The following GBE1 variants were observed in gnomAD, a reference collection of about 807,000 sequenced individuals.
GBE1 encodes 1,4-alpha-glucan branching enzyme 1.
In GBE1, 70 loss-of-function variants were observed where a neutral mutation model predicts 88.8. That is an observed-to-expected ratio of 0.79 (90% confidence interval 0.65 to 0.96). GBE1 has a LOEUF of 0.96. Among genes scored for constraint, GBE1 ranks in the 40% least tolerant of loss-of-function variants. The pLI is 0.00. For missense variants in GBE1, 872 were observed against 871.0 expected, an observed-to-expected ratio of 1.00 and a Z score of -0.01; for synonymous variants, 284 against 300.1, an observed-to-expected ratio of 0.95 and a Z score of 0.56.
At chr3:81,537,855 A>G (rs995505111) in intron 12 of GBE1, among the ~76,000 whole-genome samples, 1 of 151,924 alleles carries the variant, frequency 6.6e-6, no homozygotes, top group Non-Finnish European at 1.5e-5. Flanking sequence ...CTGGGGATCT[A>G]TATAATATTA....
rs186943930 is a variant in GBE1, at chr3:81,710,558, T to C, written c.144-4945A>G. 5.0e-4 allele frequency among the ~76,000 whole-genome samples: 76 copies of C among 152,226 alleles called. No homozygotes were observed. In the East Asian group the frequency reaches 0.014, roughly 28 times the overall value. ...AACTCTGTTACACACCAAATGTGAC[T>C]CTGAATAAATCCCTTAATCTCCTTT... On this transcript the variant is annotated intron_variant, in intron 1 of 15. Coordinates refer to ENST00000429644, the MANE Select transcript of GBE1 (RefSeq NM_000158.4).
intron 14 of GBE1, among the ~76,000 whole-genome samples, chr3:81,504,650 T>C (rs1157942514): frequency 6.6e-6 from 1 of 152,182 alleles, no homozygotes; most frequent in Non-Finnish European, 1.5e-5. Context: ...TTTTCAGCCA[T>C]TATTTTATAA....
At chr3:81,606,434 C>A (rs1013302985) in intron 7 of GBE1, among the ~76,000 whole-genome samples, 2 of 152,232 alleles carry the variant, frequency 1.3e-5, no homozygotes, top group Non-Finnish European at 2.9e-5. Context: ...ATGTTCAGGT[C>A]AAAATCCTGC....
intron 7 of GBE1, 136 bp downstream of exon 7, chr3:81,642,645 T>C (rs1704702014): frequency 1.6e-6 from 1 of 640,706 alleles, no homozygotes; most frequent in Admixed American, 3.0e-5. Flanking sequence ...TAAAATCCCC[T>C]GTACAACAAA....
chr3:81,747,266 T>C (rs1706430286), intron 1 of GBE1, among the ~76,000 whole-genome samples: 6 of 152,156 alleles, frequency 3.9e-5, no homozygotes, highest in Admixed American at 2.6e-4. Flanking sequence ...AATTTAAAAA[T>C]TTTGCTCTGT....
chr3:81,624,451 T>G (rs1392091246), intron 7 of GBE1, among the ~76,000 whole-genome samples: 2 of 152,206 alleles, frequency 1.3e-5, no homozygotes, highest in African/African-American at 2.4e-5. Flanking sequence ...CATGTAATAT[T>G]CATATATTTA....
chr3:81,588,845 T>C (rs892516256), intron 9 of GBE1, among the ~76,000 whole-genome samples: 24 of 152,128 alleles, frequency 1.6e-4, no homozygotes, highest in Admixed American at 1.4e-3. Flanking sequence ...GCAATAATCA[T>C]TGTCTCCGTG....
chr3:81,721,207 A>T (rs1310029001), intron 1 of GBE1, among the ~76,000 whole-genome samples: 1 of 89,908 alleles, frequency 1.1e-5, no homozygotes, highest in African/African-American at 6.6e-5. Context: ...ATAATAAAAA[A>T]TAAATAAATA....
intron 7 of GBE1, among the ~76,000 whole-genome samples, chr3:81,636,064 C>G (rs1170247382): frequency 6.6e-6 from 1 of 152,172 alleles, no homozygotes; most frequent in African/African-American, 2.4e-5. Context: ...CTACACTCTG[C>G]ATCAACAGAA....
chr3:81,612,324 C>T (rs1704193770), intron 7 of GBE1: 1 of 838,070 alleles, frequency 1.2e-6, no homozygotes, highest in Non-Finnish European at 1.9e-6. Context: ...TTCGTCAAAT[C>T]CATTCCAGAT....
chr3:81,707,049 C>A (rs1705787542), intron 1 of GBE1, among the ~76,000 whole-genome samples: 1 of 150,564 alleles, frequency 6.6e-6, no homozygotes, highest in Non-Finnish European at 1.5e-5. Context: ...AAAATAAAAC[C>A]AAATAAAATG....
intron 9 of GBE1, among the ~76,000 whole-genome samples, chr3:81,586,842 A>C (rs1158322199): frequency 6.6e-6 from 1 of 150,980 alleles, no homozygotes; most frequent in Non-Finnish European, 1.5e-5. Flanking sequence ...AGGCTGGTTT[A>C]CAGTGGCATG....
At chr3:81,731,261 C>T (rs1017645992) in intron 1 of GBE1, among the ~76,000 whole-genome samples, 3 of 152,056 alleles carry the variant, frequency 2.0e-5, no homozygotes, top group African/African-American at 7.2e-5. Flanking sequence ...TTCTCCAGGT[C>T]CCTCCCTGCA....
At chr3:81,716,216 T>A (rs1705934945) in intron 1 of GBE1, among the ~76,000 whole-genome samples, 2 of 152,312 alleles carry the variant, frequency 1.3e-5, no homozygotes, top group South Asian at 2.1e-4. Context: ...AGTCTAAAGT[T>A]AAGTGCAATG....
intron 2 of GBE1, among the ~76,000 whole-genome samples, chr3:81,702,390 C>CA (rs1157598150): frequency 6.6e-6 from 1 of 151,886 alleles, no homozygotes; most frequent in Non-Finnish European, 1.5e-5. Flanking sequence ...ATCCCATTCA[C>CA]AAAGAGACTT....
chr3:81,742,453 C>T (rs1385752213), intron 1 of GBE1, among the ~76,000 whole-genome samples: 1 of 151,970 alleles, frequency 6.6e-6, no homozygotes, highest in African/African-American at 2.4e-5. Flanking sequence ...AATATGAAAA[C>T]TGGGCATGCA....
Position 81,761,420 on chromosome 3 carries a change from T to A in GBE1, c.98A>T (p.Glu33Val). 1 of 1,613,616 alleles carries A rather than the reference T, an allele frequency of 6.2e-7. No individual in the cohort carries two copies. The highest frequency in any genetic ancestry group is 8.5e-7 in the Non-Finnish European group (1 of 1,179,652). The stretch of plus-strand genomic sequence containing the variant: ...GTAGGGCTTCAAGTACGGGTCGATC[T>A]CCAGGAGTCTGGCCAGTTCGGGCAC... ...ADVPELARLL[E>V]IDPYLKPYAV... The change falls in exon 1 of 16, where the codon GAG (glutamate) becomes GTG (valine). Residue 33 changes from glutamate to valine, a missense_variant. By Grantham distance (121) the Glu-to-Val change is moderately radical. Coordinates refer to ENST00000429644, the MANE Select transcript of GBE1 (RefSeq NM_000158.4).
chr3:81,668,192 C>A (rs1451473581), intron 3 of GBE1, among the ~76,000 whole-genome samples: 1 of 151,984 alleles, frequency 6.6e-6, no homozygotes, highest in African/African-American at 2.4e-5. Context: ...GGGAGGAGAA[C>A]AACACACACC....
At chr3:81,580,381 T>C (rs921662837) in intron 11 of GBE1, among the ~76,000 whole-genome samples, 2 of 152,104 alleles carry the variant, frequency 1.3e-5, no homozygotes, top group African/African-American at 2.4e-5. Flanking sequence ...AACTAATTTT[T>C]CCCTACATGA....
Sources: allele counts gnomAD v4.1 joint callset (sites outside exome capture counted in the v4.1 genomes callset), GRCh38; gene constraint gnomAD v4.1.1; transcripts MANE v1.5; gene names NCBI Gene and HGNC (gene_info 2026-07-23, HGNC 2026-07-21).